SLC30A10: variants seen among roughly 807,000 people sequenced by gnomAD.
The protein encoded by SLC30A10 is solute carrier family 30 member 10.
In SLC30A10, 8 loss-of-function variants were observed where a neutral mutation model predicts 21.7. The observed-to-expected ratio is 0.37, with a 90% CI of 0.22 to 0.67. SLC30A10 has a LOEUF of 0.67. Among genes scored for constraint, SLC30A10 ranks in the 30% least tolerant of loss-of-function variants. The probability of loss-of-function intolerance (pLI) is 0.58; values close to 1 mark genes in which losing one functional copy is unlikely to be tolerated. For missense variants in SLC30A10, 521 were observed against 642.5 expected (o/e 0.81, Z 2.04); for synonymous variants, 272 against 279.4 (o/e 0.97, Z 0.26).
At position 219,918,537 on chromosome 1, in the gene SLC30A10, AAG is replaced by A; in HGVS notation, c.719-45_719-44del. 1.3e-6 allele frequency: 2 copies of A among 1,533,706 alleles called. No individual in the cohort carries two copies. Among genetic ancestry groups the A allele is most frequent in the South Asian group, 1.3e-5 (1 of 77,436 alleles). On this transcript the variant is annotated intron_variant, in intron 2 of 3. Coordinates refer to ENST00000366926, the MANE Select transcript of SLC30A10 (RefSeq NM_018713.3). The surrounding 1 kb of genome is among the most constrained non-coding windows in gnomAD (Gnocchi z 4.4). Reference sequence around the variant, plus strand: ...TACTGCAGCACAGATGCAAATCTGGAAGCCACGTGACACTCACTGACTTGGGT... The same window carrying A: ...TACTGCAGCACAGATGCAAATCTGGACCACGTGACACTCACTGACTTGGGT...
chr1:219,928,581 C>A, upstream of SLC30A10: 266 of 481,350 alleles, frequency 5.5e-4, no homozygotes, highest in Non-Finnish European at 7.6e-4. This position sits in a 1 kb window ranked among gnomAD's most constrained non-coding sequence, Gnocchi z 6.3. Context: ...TGCCCCACCG[C>A]TTTTTATAAC....
In SLC30A10 at chr1:219,915,661, G is replaced by A. The variant is rs746390990; in HGVS notation, c.1246C>T (p.Pro416Ser). 5 of 1,614,240 alleles carry A rather than the reference G, an allele frequency of 3.1e-6. No homozygotes were observed. Among genetic ancestry groups the A allele is most frequent in the African/African-American group, 1.3e-5 (1 of 75,056 alleles). Reference sequence around the variant, plus strand: ...TGAGCCAGAGGCAGTGCCCCGGGGGGACAACACAGCTGCTTAGCACAGCCC... The same window carrying A: ...TGAGCCAGAGGCAGTGCCCCGGGGGAACAACACAGCTGCTTAGCACAGCCC... ...SKGCAKQLCC[P>S]PGALPLAHVN... The change falls in exon 4 of 4, where the codon CCC becomes TCC. Residue 416 changes from proline (P) to serine (S), a missense_variant. Physicochemically the swap from Pro to Ser is moderately conservative, Grantham distance 74 (BLOSUM62 -1). Coordinates refer to ENST00000366926, the MANE Select transcript of SLC30A10 (RefSeq NM_018713.3).
At chr1:219,936,332 T>C (rs1227488026) in intron 1 of SLC30A10, among the ~76,000 whole-genome samples, 1 of 152,226 alleles carries the variant, frequency 6.6e-6, no homozygotes, top group Non-Finnish European at 1.5e-5. Flanking sequence ...TATGAAGCCA[T>C]GGACCCACAA....
At chr1:219,952,947 GACA>G (rs1660290092) in intron 1 of SLC30A10, among the ~76,000 whole-genome samples, 1 of 152,132 alleles carries the variant, frequency 6.6e-6, no homozygotes, top group African/African-American at 2.4e-5. Flanking sequence ...CCCTTCACGG[GACA>G]ACAAGAGAAG....
chr1:219,921,529 C>G (rs1244091837), intron 2 of SLC30A10, among the ~76,000 whole-genome samples: 1 of 152,188 alleles, frequency 6.6e-6, no homozygotes, highest in Admixed American at 6.5e-5. Flanking sequence ...AACTTTTGAA[C>G]TTGTTTTTCC....
chr1:219,933,249 A>G (rs191313054), upstream of SLC30A10, among the ~76,000 whole-genome samples: 28 of 152,174 alleles, frequency 1.8e-4, no homozygotes, highest in Middle Eastern at 3.4e-3. Context: ...TCAAAATGCC[A>G]CTTGTTCTTG....
intron 1 of SLC30A10, among the ~76,000 whole-genome samples, chr1:219,958,298 C>T (rs1660379017): frequency 6.6e-6 from 1 of 152,148 alleles, no homozygotes. Flanking sequence ...GCCTTTACTT[C>T]CTCTCTGCGT....
At chr1:219,947,202 A>C (rs945108535) in intron 1 of SLC30A10, among the ~76,000 whole-genome samples, 1 of 152,194 alleles carries the variant, frequency 6.6e-6, no homozygotes, top group Non-Finnish European at 1.5e-5. Context: ...ATCTCATGGC[A>C]GATGAAGAAC....
intron 1 of SLC30A10, among the ~76,000 whole-genome samples, chr1:219,953,748 C>G (rs1660305955): frequency 6.8e-6 from 1 of 148,138 alleles, no homozygotes; most frequent in South Asian, 2.1e-4. Context: ...GCTCTGTTGC[C>G]CAGGCTGGAG....
At chr1:219,954,553 G>A (rs896917695) in intron 1 of SLC30A10, among the ~76,000 whole-genome samples, 4 of 151,756 alleles carry the variant, frequency 2.6e-5, no homozygotes, top group South Asian at 2.1e-4. Context: ...AGTGGCGCAC[G>A]CCTGTAATCC....
chr1:219,949,710 C>A (rs1420182480), intron 1 of SLC30A10, among the ~76,000 whole-genome samples: 1 of 151,422 alleles, frequency 6.6e-6, no homozygotes, highest in Admixed American at 6.6e-5. Flanking sequence ...TGTAACTAAC[C>A]TGCACATTGT....
intron 1 of SLC30A10, among the ~76,000 whole-genome samples, chr1:219,954,698 A>C (rs1252982843): frequency 4.6e-5 from 7 of 151,848 alleles, no homozygotes; most frequent in South Asian, 2.1e-4. Context: ...AAAAAAAAAA[A>C]AAAAAACTTA....
intron 1 of SLC30A10, among the ~76,000 whole-genome samples, chr1:219,946,795 T>C (rs1156759762): frequency 6.6e-6 from 1 of 152,162 alleles, no homozygotes; most frequent in Non-Finnish European, 1.5e-5. Context: ...AAGCCAATTG[T>C]GACATCCAAG....
intron 1 of SLC30A10, among the ~76,000 whole-genome samples, chr1:219,947,209 G>A (rs1420704430): frequency 2.0e-5 from 3 of 152,168 alleles, no homozygotes; most frequent in African/African-American, 4.8e-5. Context: ...GGCAGATGAA[G>A]AACAAGAGCA....
rs1659886672 is a variant in SLC30A10 at position 219,927,998 on chromosome 1, C to T, written c.443G>A (p.Arg148His). The T allele has an allele frequency of 2.6e-6, 4 of 1,557,036 alleles. No individual in the cohort carries two copies. Among genetic ancestry groups the T allele is most frequent in the African/African-American group, 1.4e-5 (1 of 72,724 alleles). The change falls in exon 1 of 4, where the codon CGC (arginine) becomes CAC (histidine). Residue 148 changes from arginine (R) to histidine (H), a missense_variant. By Grantham distance (29) the Arg-to-His change is conservative. Coordinates refer to ENST00000366926, the MANE Select transcript of SLC30A10 (RefSeq NM_018713.3). ...AAWFACCLRG[R>H]SRRLQQRQQL... The stretch of plus-strand genomic sequence containing the variant: ...CTGCCGCTGCTGCAGGCGGCGACTG[C>T]GTCCCCGGAGGCAGCACGCGAACCA...
At chr1:219,925,040 A>C (rs1184112084) in intron 2 of SLC30A10, among the ~76,000 whole-genome samples, 1 of 152,180 alleles carries the variant, frequency 6.6e-6, no homozygotes, top group Non-Finnish European at 1.5e-5. Context: ...AGTCCCTGTA[A>C]ACCAAAGGCC....
intron 1 of SLC30A10, among the ~76,000 whole-genome samples, chr1:219,937,835 T>G (rs1660067555): frequency 6.6e-6 from 1 of 152,132 alleles, no homozygotes; most frequent in African/African-American, 2.4e-5. Flanking sequence ...AATTCCTTAA[T>G]CAATTTCTCC....
chr1:219,919,319 T>G (rs559691878), intron 2 of SLC30A10, among the ~76,000 whole-genome samples: 1 of 152,316 alleles, frequency 6.6e-6, no homozygotes, highest in African/African-American at 2.4e-5. Context: ...GTTTTGGTTT[T>G]GGGGGATTTT....
chr1:219,921,511 A>G (rs1659675600), intron 2 of SLC30A10, among the ~76,000 whole-genome samples: 1 of 152,222 alleles, frequency 6.6e-6, no homozygotes, highest in Non-Finnish European at 1.5e-5. Flanking sequence ...AGAATTACAT[A>G]AAATAGTAAC....
Sources: allele counts gnomAD v4.1 joint callset (sites outside exome capture counted in the v4.1 genomes callset), GRCh38; gene constraint gnomAD v4.1.1; non-coding constraint Gnocchi (gnomAD v3.1); transcripts MANE v1.5; gene names NCBI Gene and HGNC (gene_info 2026-07-23, HGNC 2026-07-21).